The following PDE4D variants were observed in gnomAD, a reference collection of about 807,000 sequenced individuals.
PDE4D encodes 3',5'-cyclic-AMP phosphodiesterase 4D.
In PDE4D, 24 loss-of-function variants were observed where a neutral mutation model predicts 87.4. The observed-to-expected ratio is 0.27, with a 90% CI of 0.20 to 0.39. The LOEUF (loss-of-function observed/expected upper bound fraction) is 0.39. Among genes scored for constraint, PDE4D ranks in the 10% least tolerant of loss-of-function variants. The pLI, the probability that PDE4D is intolerant of heterozygous loss-of-function variation, is 1.00. For synonymous variants in PDE4D, 384 were observed against 383.2 expected (o/e 1.00, Z -0.02); for missense variants, 714 against 1,041.0 (o/e 0.69, Z 4.32).
chr5:59,905,115 G>T (rs1752679395), intron 3 of PDE4D, among the ~76,000 whole-genome samples: 1 of 152,072 alleles, frequency 6.6e-6, no homozygotes, highest in African/African-American at 2.4e-5. Flanking sequence ...ATTTTCCTCA[G>T]CATGACACTA....
intron 1 of PDE4D, among the ~76,000 whole-genome samples, chr5:59,320,882 T>C (rs1581941936): frequency 6.6e-6 from 1 of 152,116 alleles, no homozygotes; most frequent in South Asian, 2.1e-4. Context: ...CAACAATTAT[T>C]TGTTGAAGCT....
In PDE4D at chr5:58,969,246, A is replaced by G. The variant is rs1236296088; in HGVS notation, c.*5418T>C. 1 of 152,218 alleles carries G rather than the reference A, an allele frequency of 6.6e-6. No homozygotes were observed. Among genetic ancestry groups the G allele is most frequent in the East Asian group, 1.9e-4 (1 of 5,192 alleles). 9.4% of individuals were successfully genotyped at this position (152,218 alleles called of 1,614,324 possible). A position where few individuals can be genotyped will look rare whatever the true frequency, so the allele number is the denominator to read the frequency against. On this transcript the variant is annotated 3_prime_UTR_variant, in exon 15 of 15. Transcript: ENST00000340635. ...CTGGTGGGAGAGACAGATAACAAAA[A>G]CAAACACGTATATAAATCTGTGAGA...
intron 1 of PDE4D, among the ~76,000 whole-genome samples, chr5:60,474,513 T>C (rs1748156982): frequency 6.6e-6 from 1 of 152,132 alleles, no homozygotes; most frequent in South Asian, 2.1e-4. Context: ...TTCATTGATG[T>C]GTCCTTCACC....
intron 1 of PDE4D, among the ~76,000 whole-genome samples, chr5:59,861,166 C>T (rs899188178): frequency 5.9e-5 from 9 of 152,062 alleles, no homozygotes; most frequent in East Asian, 3.9e-4. Flanking sequence ...CCACTGCGCC[C>T]GGCCCAAACT....
At chr5:60,041,542 C>G (rs953397759) in intron 2 of PDE4D, among the ~76,000 whole-genome samples, 16 of 152,308 alleles carry the variant, frequency 1.1e-4, no homozygotes, top group African/African-American at 3.8e-4. Flanking sequence ...CTCCGGTCTG[C>G]AGCTCCCAGC....
chr5:59,193,957 A>G (rs1316734990), intron 2 of PDE4D, among the ~76,000 whole-genome samples: 1 of 152,238 alleles, frequency 6.6e-6, no homozygotes, highest in African/African-American at 2.4e-5. Context: ...GGTGATTAGC[A>G]TGGAGTGTTC....
chr5:59,014,048 C>T (rs1561304873), intron 6 of PDE4D, among the ~76,000 whole-genome samples: 2 of 152,214 alleles, frequency 1.3e-5, no homozygotes, highest in African/African-American at 4.8e-5. Context: ...ACAAAAACCA[C>T]ATGATTATCT....
chr5:60,485,696 A>G lies in PDE4D; in HGVS notation c.-90+2246T>C, dbSNP rs550394105. The stretch of plus-strand genomic sequence containing the variant: ...GGAGTGGATAGAAGAAAGATCAACT[A>G]TTGCTGTTTGGGAGATTTTTTTTGC... On this transcript the variant is annotated intron_variant, in intron 1 of 16. Transcript: ENST00000502484. Among the ~76,000 whole-genome samples the G allele has an allele frequency of 1.9e-4, 29 of 152,034 alleles. 1 individual carries two copies. The highest frequency in any genetic ancestry group is 1.7e-3 in the Admixed American group (26 of 15,290).
chr5:59,163,300 T>A (rs1040643817), intron 5 of PDE4D, among the ~76,000 whole-genome samples: 2 of 148,142 alleles, frequency 1.4e-5, no homozygotes, highest in African/African-American at 5.0e-5. Context: ...TTTGAGACAG[T>A]TTCACTTTTT....
In PDE4D at chr5:60,046,333, C is replaced by G. The variant is rs1014838460; in HGVS notation, c.43-57616G>C. ...GCAAACAGGGACAATTTGACTTCCTCTTTTCCTAATTGAATACCCTTTATT... is the reference window on the plus strand; with the variant it reads ...GCAAACAGGGACAATTTGACTTCCTGTTTTCCTAATTGAATACCCTTTATT... On this transcript the variant is annotated intron_variant, in intron 2 of 16. Transcript: ENST00000502484. Among the ~76,000 whole-genome samples, 406 of 152,308 alleles carry G rather than the reference C, an allele frequency of 2.7e-3. 1 individual carries two copies. Among genetic ancestry groups the G allele is most frequent in the Non-Finnish European group, 5.0e-3 (337 of 68,030 alleles).
chr5:59,391,787 T>C (rs1355268549), intron 1 of PDE4D, among the ~76,000 whole-genome samples: 2 of 152,012 alleles, frequency 1.3e-5, no homozygotes. Context: ...TTTGCTCACA[T>C]GCTACCTTCT....
chr5:58,975,948 C>CTACGT lies in PDE4D; in HGVS notation c.1831-110_1831-109insACGTA. 1.3e-6 allele frequency: 1 copy of CTACGT among 786,540 alleles called. No individual in the cohort carries two copies. Among genetic ancestry groups the CTACGT allele is most frequent in the Non-Finnish European group, 1.9e-6 (1 of 530,750 alleles). 48.7% of individuals were successfully genotyped at this position (786,540 alleles called of 1,614,324 possible). A position where few individuals can be genotyped will look rare whatever the true frequency, so the allele number is the denominator to read the frequency against. On this transcript the variant is annotated intron_variant, in intron 13 of 14. Coordinates refer to ENST00000340635, the MANE Select transcript of PDE4D (RefSeq NM_001104631.2). The surrounding 1 kb of genome is among the most constrained non-coding windows in gnomAD (Gnocchi z 4.2). ...GATGACTGCAACACTTAAAAATACA[C>CTACGT]GTAGTGTAAGATTTATTCCAAACAG...
At chr5:59,039,128 A>G in intron 5 of PDE4D, 157 bp from the exon 6 acceptor site, 1 of 1,369,882 alleles carries the variant, frequency 7.3e-7, no homozygotes, top group Non-Finnish European at 9.4e-7. Context: ...CCGGCAGTGC[A>G]ACGGGGGCGG....
At chr5:59,826,733 G>A (rs528419385) in intron 1 of PDE4D, among the ~76,000 whole-genome samples, 5 of 152,092 alleles carry the variant, frequency 3.3e-5, no homozygotes, top group African/African-American at 1.2e-4. Flanking sequence ...GGGAGTAGAG[G>A]CTGGGAAAAT....
intron 1 of PDE4D, among the ~76,000 whole-genome samples, chr5:59,710,772 G>T (rs947666510): frequency 6.6e-6 from 1 of 151,970 alleles, no homozygotes; most frequent in Non-Finnish European, 1.5e-5. Flanking sequence ...TGACTGTTTG[G>T]ATATTTAAAA....
intron 1 of PDE4D, among the ~76,000 whole-genome samples, chr5:59,231,315 C>T (rs1755136081): frequency 1.3e-5 from 2 of 152,166 alleles, no homozygotes; most frequent in South Asian, 4.1e-4. Flanking sequence ...CTGCCTGTTC[C>T]TGGGCATAAA....
rs946230201 is a variant in PDE4D, at chr5:59,624,051, G to A, written c.455+269117C>T. 6.6e-5 allele frequency among the ~76,000 whole-genome samples: 10 copies of A among 152,128 alleles called. No individual in the cohort carries two copies. In the East Asian group the frequency reaches 1.7e-3, roughly 26 times the overall value. On this transcript the variant is annotated intron_variant, in intron 1 of 14. Coordinates refer to ENST00000340635, the MANE Select transcript of PDE4D (RefSeq NM_001104631.2). ...GAGAAAATATATATAAAGCAGCCCC[G>A]TTGTGTTGAGAGGATAGAAGCCTTC...
chr5:59,333,788 C>A (rs184810656), intron 1 of PDE4D, among the ~76,000 whole-genome samples: 360 of 151,778 alleles, frequency 2.4e-3, no homozygotes, highest in Non-Finnish European at 4.3e-3. Flanking sequence ...TAGTAAATAA[C>A]CTGCTAAGAT....
intron 5 of PDE4D, among the ~76,000 whole-genome samples, chr5:59,070,206 G>T (rs966440066): frequency 3.3e-5 from 5 of 151,970 alleles, no homozygotes; most frequent in African/African-American, 9.7e-5. Context: ...TTATCTCCTT[G>T]TTTCAATTTG....
Sources: gnomAD v4.1 joint callset for allele counts (sites outside exome capture counted in the v4.1 genomes callset) on GRCh38, gnomAD v4.1.1 for gene constraint, Gnocchi (gnomAD v3.1) non-coding constraint, MANE v1.5 for transcripts, NCBI Gene and HGNC (gene_info 2026-07-23, HGNC 2026-07-21) for gene names.